Variants in MSH5 observed in about 807,000 individuals in gnomAD.
MSH5 encodes mutS protein homolog 5.
Under a neutral mutation model 107.7 loss-of-function variants are expected in MSH5, and 78 were observed. The ratio of observed to expected loss-of-function variants is 0.72; its 90% CI spans 0.60 to 0.87. The LOEUF is 0.87. Ranked by LOEUF, MSH5 falls within the 40% of genes least tolerant of loss-of-function variation. The pLI is 0.00. For synonymous variants in MSH5, 326 were observed against 399.5 expected (o/e 0.82, Z 2.19); for missense variants, 889 against 1,046.6 (o/e 0.85, Z 2.08).
At chr6:31,746,422 G>C (rs1809473059) in intron 9 of MSH5, 1 of 151,146 alleles carries the variant, frequency 6.6e-6, no homozygotes, top group African/African-American at 2.4e-5. Flanking sequence ...TATGTGTGTT[G>C]GGCTCTTGAG....
Position 31,760,079 on chromosome 6 carries a change from G to A in MSH5, c.1686-11G>A, listed in dbSNP as rs200560654. On this transcript the variant is annotated splice_polypyrimidine_tract_variant and intron_variant, in intron 18 of 24. Transcript: ENST00000375750. This position sits in a 1 kb window ranked among gnomAD's most constrained non-coding sequence, Gnocchi z 5.6. ...CACAAGCCATGCGAGGTGCCTCTCC[G>A]CCCACTGCAGACATCCTCTGATGGA... The A allele has an allele frequency of 7.5e-6, 12 of 1,600,696 alleles. No homozygotes were observed. Among genetic ancestry groups the A allele is most frequent in the African/African-American group, 2.7e-5 (2 of 74,676 alleles).
chr6:31,741,136 T>C (rs1049591402), intron 2 of MSH5, 27 bp from the exon 3 acceptor site: 2 of 1,612,164 alleles, frequency 1.2e-6, no homozygotes, highest in African/African-American at 1.3e-5. Context: ...ATTCTAATAG[T>C]GATTTCCTTT....
rs750100281 is a variant in MSH5 at position 31,759,744 on chromosome 6, C to G, written c.1496-42C>G. 31 of 1,601,930 alleles carry G rather than the reference C, an allele frequency of 1.9e-5. No individual in the cohort carries two copies. Among genetic ancestry groups the G allele is most frequent in the Non-Finnish European group, 2.6e-5 (31 of 1,175,308 alleles). Reference sequence around the variant, plus strand: ...GGGCCTCTGCCTCTCCTTCACTTTCCCCTGGAACTGACCTCCAGCTCCCTT... The same window carrying G: ...GGGCCTCTGCCTCTCCTTCACTTTCGCCTGGAACTGACCTCCAGCTCCCTT... On this transcript the variant is annotated intron_variant, in intron 17 of 24. Coordinates refer to ENST00000375750, the MANE Select transcript of MSH5 (RefSeq NM_172166.4). This position sits in a 1 kb window ranked among gnomAD's most constrained non-coding sequence, Gnocchi z 4.7.
rs184969969 is a variant in MSH5 at position 31,741,452 on chromosome 6, C to G, written c.271+166C>G. On this transcript the variant is annotated intron_variant, in intron 3 of 24. Coordinates refer to ENST00000375750, the MANE Select transcript of MSH5 (RefSeq NM_172166.4). ...CAAGTGCAGTGGCGCAATCTTGGCT[C>G]ACTGCAGCCTCCACCTCCTGGGTTC... Among the ~76,000 whole-genome samples, 251 of 152,194 alleles carry G rather than the reference C, an allele frequency of 1.6e-3. 4 individuals are homozygous for G. The highest frequency in any genetic ancestry group is 2.8e-4 in the Non-Finnish European group (19 of 68,016).
At chr6:31,762,230 C>T (rs1197786906) in intron 24 of MSH5, 45 bp downstream of exon 24, 6 of 1,593,578 alleles carry the variant, frequency 3.8e-6, no homozygotes, top group Non-Finnish European at 5.2e-6. Context: ...GCATCTTCTC[C>T]TGCAACTCTT....
chr6:31,760,349 C>G lies in MSH5; in HGVS notation c.1812+133C>G. 1 of 1,245,260 alleles carries G rather than the reference C, an allele frequency of 8.0e-7. No homozygotes were observed. Among genetic ancestry groups the G allele is most frequent in the Non-Finnish European group, 1.1e-6 (1 of 908,098 alleles). The allele number at this position is 1,245,260 out of a possible 1,614,324, so 77.1% of individuals were successfully genotyped here. On this transcript the variant is annotated intron_variant, in intron 19 of 24. Transcript: ENST00000375750. This position sits in a 1 kb window ranked among gnomAD's most constrained non-coding sequence, Gnocchi z 5.6. ...CGCTCTTCATGAAAGGACCATCACC[C>G]ACATCCCTGTGCTTCCACCTCACAT...
chr6:31,755,265 C>G lies in MSH5; in HGVS notation c.1014+1636C>G, dbSNP rs1055814522. Among the ~76,000 whole-genome samples the G allele has an allele frequency of 8.5e-5, 13 of 152,276 alleles. No homozygotes were observed. In the East Asian group the frequency reaches 1.5e-3, roughly 18 times the overall value. On this transcript the variant is annotated intron_variant, in intron 12 of 24. Transcript: ENST00000375750. ...CTGTTGGGCTCAAGCGATCCTCCCC[C>G]CTCAGCCTCCTGAGTAGCAGGGACC...
intron 3 of MSH5, 37 bp downstream of exon 3, chr6:31,741,323 A>G: frequency 7.5e-7 from 1 of 1,338,836 alleles, no homozygotes; most frequent in Non-Finnish European, 1.0e-6. Flanking sequence ...GCTCTCTGGG[A>G]TTGCAGATGT....
intron 12 of MSH5, among the ~76,000 whole-genome samples, chr6:31,754,596 C>CT (rs907190688): frequency 5.3e-5 from 8 of 152,052 alleles, no homozygotes; most frequent in Non-Finnish European, 7.4e-5. Flanking sequence ...ATTGCAGCCT[C>CT]TAACTTCTGG....
intron 12 of MSH5, 104 bp downstream of exon 12, chr6:31,753,733 C>CTTTT: frequency 5.8e-6 from 5 of 859,474 alleles, no homozygotes; most frequent in South Asian, 3.2e-5. Flanking sequence ...ATTCTACCCT[C>CTTTT]TTTTTTTTTT....
chr6:31,740,437 A>G lies in MSH5; in HGVS notation c.-13-17A>G. ...GAATCGTTGCTTCCGAACCGCCCTC[A>G]CTTTTTGCATCCGCAGAGCCTCCAA... On this transcript the variant is annotated splice_polypyrimidine_tract_variant and intron_variant, in intron 1 of 24. Coordinates refer to ENST00000375750, the MANE Select transcript of MSH5 (RefSeq NM_172166.4). This position sits in a 1 kb window ranked among gnomAD's most constrained non-coding sequence, Gnocchi z 4.4. 1 of 1,546,546 alleles carries G rather than the reference A, an allele frequency of 6.5e-7. No homozygotes were observed. The highest frequency in any genetic ancestry group is 8.7e-7 in the Non-Finnish European group (1 of 1,144,984).
Position 31,758,180 on chromosome 6 carries a change from C to G in MSH5, c.1030C>G (p.Leu344Val), listed in dbSNP as rs1810618391. ...QVLYKTVYSALGLRDACRSLP... is the reference protein window; with the variant it reads ...QVLYKTVYSAVGLRDACRSLP... ...TCTCTCACAGACTGTGTACAGTGCC[C>G]TGGGCCTGAGGGATGCCTGCCGCTC... The change falls in exon 13 of 25, where the codon CTG becomes GTG. Residue 344 changes from leucine to valine, a missense_variant. Around this residue, in one of 3 missense-constraint regions of MSH5, gnomAD observed 518 missense variants for 565.0 expected, o/e 0.92. Coordinates refer to ENST00000375750, the MANE Select transcript of MSH5 (RefSeq NM_172166.4). This position sits in a 1 kb window ranked among gnomAD's most constrained non-coding sequence, Gnocchi z 5.1. 1 of 1,612,928 alleles carries G rather than the reference C, an allele frequency of 6.2e-7. No homozygotes were observed. The highest frequency in any genetic ancestry group is 1.7e-5 in the Admixed American group (1 of 59,994).
intron 12 of MSH5, chr6:31,757,664 T>G: frequency 6.3e-6 from 1 of 159,878 alleles, no homozygotes; most frequent in Non-Finnish European, 1.4e-5. Context: ...ACAGGGACCA[T>G]ATCTTTTTTT....
rs751638760 is a variant in MSH5, at chr6:31,744,014, T to A, written c.526T>A (p.Cys176Ser). 1 of 1,614,158 alleles carries A rather than the reference T, an allele frequency of 6.2e-7. No individual in the cohort carries two copies. Residue 176 changes from cysteine to serine, a missense_variant, in exon 6 of 25, where the codon TGC (cysteine) becomes AGC (serine). This residue lies in a region of MSH5 where 518 missense variants were observed against 565.0 expected (regional missense o/e 0.92). Transcript: ENST00000375750. ...LFLSSIIPFD[C>S]LLTVRALGGL... Reference sequence around the variant, plus strand: ...CCTCTCTTCCATTATTCCCTTTGACTGCCTCCTCACAGTGAGATTGGTCCT... The same window carrying A: ...CCTCTCTTCCATTATTCCCTTTGACAGCCTCCTCACAGTGAGATTGGTCCT...
At position 31,753,311 on chromosome 6, in the gene MSH5, A is replaced by C; in HGVS notation, c.823A>C (p.Thr275Pro). Residue 275 changes from threonine (T) to proline (P), a missense_variant, in exon 11 of 25, where the codon ACA (threonine) becomes CCA (proline). Thr to Pro is a conservative substitution (Grantham distance 38). Coordinates refer to ENST00000375750, the MANE Select transcript of MSH5 (RefSeq NM_172166.4). ...WGEKLLRLWF[T>P]RPTHDLGELS... Reference sequence around the variant, plus strand: ...AACCCTCACTTCCAGGCTATGGTTCACACGTCCGACTCATGACCTGGGGGA... The same window carrying C: ...AACCCTCACTTCCAGGCTATGGTTCCCACGTCCGACTCATGACCTGGGGGA... 1 of 1,609,576 alleles carries C rather than the reference A, an allele frequency of 6.2e-7. No homozygotes were observed. The highest frequency in any genetic ancestry group is 8.5e-7 in the Non-Finnish European group (1 of 1,176,240).
rs1810775019 is a variant in MSH5, at chr6:31,759,540, T to C, written c.1495+28T>C. The C allele has an allele frequency of 1.2e-6, 2 of 1,607,578 alleles. No individual in the cohort carries two copies. The highest frequency in any genetic ancestry group is 1.3e-5 in the African/African-American group (1 of 74,710). ...GAGGAAAAGCCAGAGGTTATATGCA[T>C]TGTAAGATGTTTAAAAAAAGCAGCA... is the stretch of plus-strand genomic sequence containing the variant. On this transcript the variant is annotated intron_variant, in intron 17 of 24. Transcript: ENST00000375750. The surrounding 1 kb of genome is among the most constrained non-coding windows in gnomAD (Gnocchi z 4.7).
chr6:31,753,478 G>A, intron 11 of MSH5, 39 bp downstream of exon 11: 1 of 1,612,554 alleles, frequency 6.2e-7, no homozygotes, highest in Non-Finnish European at 8.5e-7. Flanking sequence ...GGGGAAGGAG[G>A]TTGAGGGCTG....
At chr6:31,745,103 C>CAAAAAAAAAAAAAAAAAA in intron 8 of MSH5, 134 bp from the exon 9 acceptor site, 1 of 307,968 alleles carries the variant, frequency 3.2e-6, no homozygotes, top group Non-Finnish European at 5.8e-6. Context: ...GACTCCATCT[C>CAAAAAAAAAAAAAAAAAA]AAAAAAAAAA....
At chr6:31,754,273 C>T (rs957509548) in intron 12 of MSH5, among the ~76,000 whole-genome samples, 5 of 151,732 alleles carry the variant, frequency 3.3e-5, no homozygotes, top group African/African-American at 1.2e-4. Flanking sequence ...CCTCAGCCTC[C>T]CAAATAGCTG....
Sources: gnomAD v4.1 joint callset for allele counts (sites outside exome capture counted in the v4.1 genomes callset) on GRCh38, gnomAD v4.1.1 for gene constraint, gnomAD v4.1.1 regional missense constraint, Gnocchi (gnomAD v3.1) non-coding constraint, MANE v1.5 for transcripts, NCBI Gene and HGNC (gene_info 2026-07-23, HGNC 2026-07-21) for gene names.